The following CDH2 variants were observed in gnomAD, a reference collection of about 807,000 sequenced individuals.
CDH2 encodes cadherin 2.
Under a neutral mutation model 92.0 loss-of-function variants are expected in CDH2, and 17 were observed. That is an observed-to-expected ratio of 0.18 (90% CI 0.13 to 0.28). CDH2 has a LOEUF of 0.28. Ranked by LOEUF, CDH2 falls within the 10% of genes least tolerant of loss-of-function variation. The pLI is 1.00. For synonymous variants in CDH2, 419 were observed against 415.9 expected (o/e 1.01, Z -0.09); for missense variants, 862 against 1,133.1 (o/e 0.76, Z 3.44).
At chr18:28,054,778 C>A (rs1384047460) in intron 2 of CDH2, among the ~76,000 whole-genome samples, 1 of 152,196 alleles carries the variant, frequency 6.6e-6, no homozygotes, top group Non-Finnish European at 1.5e-5. Context: ...GGGAAACTTT[C>A]AGCTGACTGA....
At chr18:27,975,905 G>C (rs905449051) in intron 14 of CDH2, among the ~76,000 whole-genome samples, 3 of 152,166 alleles carry the variant, frequency 2.0e-5, no homozygotes, top group Non-Finnish European at 4.4e-5. Flanking sequence ...GCTCTCCCCT[G>C]AAGTCAAGTC....
At chr18:28,156,207 T>C (rs1424340509) in intron 1 of CDH2, among the ~76,000 whole-genome samples, 1 of 152,204 alleles carries the variant, frequency 6.6e-6, no homozygotes, top group Non-Finnish European at 1.5e-5. Flanking sequence ...ATCAGTACTT[T>C]TAGTTTTCTC....
intron 2 of CDH2, among the ~76,000 whole-genome samples, chr18:28,106,343 G>A (rs1743954143): frequency 6.6e-6 from 1 of 152,138 alleles, no homozygotes; most frequent in African/African-American, 2.4e-5. Context: ...CTTGAACCTG[G>A]GAGGCGGCGG....
At chr18:27,938,722 T>A (rs1186839696) in intron 6 of CDH2, among the ~76,000 whole-genome samples, 2 of 152,172 alleles carry the variant, frequency 1.3e-5, no homozygotes, top group South Asian at 2.1e-4. Context: ...ACATTTTTTT[T>A]AAATCACCTC....
chr18:28,166,849 A>T (rs1404715850), intron 1 of CDH2, among the ~76,000 whole-genome samples: 2 of 151,780 alleles, frequency 1.3e-5, no homozygotes, highest in African/African-American at 2.4e-5. Flanking sequence ...GAGCTACTAA[A>T]CCATTATAAA....
chr18:28,161,745 C>T (rs1472778964), intron 1 of CDH2, among the ~76,000 whole-genome samples: 3 of 152,084 alleles, frequency 2.0e-5, no homozygotes, highest in Non-Finnish European at 4.4e-5. Context: ...AACAGTCAAT[C>T]CAAAATTTGG....
intron 2 of CDH2, among the ~76,000 whole-genome samples, chr18:28,136,492 G>A (rs952138155): frequency 6.6e-6 from 1 of 151,650 alleles, no homozygotes; most frequent in Admixed American, 6.6e-5. Flanking sequence ...AGCATCTGGT[G>A]AAATAAATAT....
chr18:27,945,934 C>T (rs1178444048), intron 6 of CDH2, among the ~76,000 whole-genome samples: 1 of 152,102 alleles, frequency 6.6e-6, no homozygotes, highest in African/African-American at 2.4e-5. Flanking sequence ...AAGAGATGGA[C>T]ATGCTACATC....
At chr18:28,165,176 C>T (rs986677121) in intron 1 of CDH2, among the ~76,000 whole-genome samples, 1 of 151,720 alleles carries the variant, frequency 6.6e-6, no homozygotes, top group African/African-American at 2.4e-5. Context: ...AAGCACTTCT[C>T]TTTCTATTAT....
At chr18:28,061,900 A>G (rs897087330) in intron 2 of CDH2, among the ~76,000 whole-genome samples, 9 of 152,020 alleles carry the variant, frequency 5.9e-5, no homozygotes, top group African/African-American at 1.2e-4. Context: ...TGATTCAATT[A>G]CCTCCCACCT....
intron 6 of CDH2, among the ~76,000 whole-genome samples, chr18:27,940,748 G>T (rs931457979): frequency 2.6e-5 from 4 of 152,204 alleles, no homozygotes; most frequent in Non-Finnish European, 5.9e-5. Context: ...TGCAAAAACA[G>T]TAAAAGACAG....
At position 28,177,074 on chromosome 18, in the gene CDH2, G is replaced by A. The variant is rs1228958512; in HGVS notation, c.-52C>T. ...GCCGGAGGAGGCGGCGGCGGCGGCG[G>A]CGGCGGCGGAGGAGGAGGAGGCAGC... On this transcript the variant is annotated 5_prime_UTR_variant, in exon 1 of 16. Coordinates refer to ENST00000269141, the MANE Select transcript of CDH2 (RefSeq NM_001792.5). 4.3e-6 allele frequency: 6 copies of A among 1,382,458 alleles called. No homozygotes were observed. In the African/African-American group the frequency reaches 6.0e-5, roughly 14 times the overall value. 85.6% of individuals were successfully genotyped at this position (1,382,458 alleles called of 1,614,324 possible).
intron 1 of CDH2, among the ~76,000 whole-genome samples, chr18:28,160,288 G>A (rs2016287541): frequency 6.6e-6 from 1 of 152,124 alleles, no homozygotes; most frequent in African/African-American, 2.4e-5. Flanking sequence ...CACAATCTGG[G>A]TGAAAGCTGC....
Position 28,002,992 on chromosome 18 carries a change from C to T in CDH2, c.1020+5G>A, listed in dbSNP as rs760644960. On this transcript the variant is annotated splice_donor_5th_base_variant and intron_variant, in intron 7 of 15. Transcript: ENST00000269141. Reference sequence around the variant, plus strand: ...AAACACAAATAGAGTTTTTGGTTGGCTTACTTCTCGATCAAGTCCAGCTGC... The same window carrying T: ...AAACACAAATAGAGTTTTTGGTTGGTTTACTTCTCGATCAAGTCCAGCTGC... 1 of 1,612,356 alleles carries T rather than the reference C, an allele frequency of 6.2e-7. No homozygotes were observed. Among genetic ancestry groups the T allele is most frequent in the Non-Finnish European group, 8.5e-7 (1 of 1,178,670 alleles).
At chr18:28,033,830 A>G (rs1033978100) in intron 2 of CDH2, among the ~76,000 whole-genome samples, 1 of 152,112 alleles carries the variant, frequency 6.6e-6, no homozygotes, top group Admixed American at 6.6e-5. Flanking sequence ...AATTTGGAGT[A>G]CAGTACAGAA....
chr18:28,142,463 G>C (rs2015969698), intron 2 of CDH2, among the ~76,000 whole-genome samples: 1 of 150,730 alleles, frequency 6.6e-6, no homozygotes, highest in Admixed American at 6.6e-5. Context: ...AAGCCTAAAT[G>C]ATTGCTATGA....
chr18:28,124,330 T>C (rs1042190738), intron 2 of CDH2, among the ~76,000 whole-genome samples: 1 of 152,192 alleles, frequency 6.6e-6, no homozygotes, highest in Non-Finnish European at 1.5e-5. Flanking sequence ...GTGCTGCGAA[T>C]TGATCTTATT....
chr18:28,100,488 T>G lies in CDH2; in HGVS notation c.172+47185A>C, dbSNP rs569847164. Among the ~76,000 whole-genome samples, 61 of 147,636 alleles carry G rather than the reference T, an allele frequency of 4.1e-4. 1 individual carries two copies. In the South Asian group the frequency reaches 0.012, roughly 30 times the overall value. ...AGCTTGCTGACTCAACCTGCAGATC[T>G]TGGATCTTGTCAGATTCCATAATCC... On this transcript the variant is annotated intron_variant, in intron 2 of 15. Transcript: ENST00000269141.
intron 2 of CDH2, among the ~76,000 whole-genome samples, chr18:28,105,749 T>TTTAAA (rs2015310174): frequency 1.3e-5 from 2 of 152,158 alleles, no homozygotes; most frequent in African/African-American, 4.8e-5. Flanking sequence ...CAATGTATAG[T>TTTAAA]TCTTAATTTA....
Sources: gnomAD v4.1 joint callset for allele counts (sites outside exome capture counted in the v4.1 genomes callset) on GRCh38, gnomAD v4.1.1 for gene constraint, MANE v1.5 for transcripts, NCBI Gene and HGNC (gene_info 2026-07-23, HGNC 2026-07-21) for gene names.